Variants in ADARB2 observed in about 807,000 individuals in gnomAD.
The protein encoded by ADARB2 is adenosine deaminase RNA specific B2 (inactive).
A neutral mutation model predicts 62.2 loss-of-function variants in ADARB2; 25 were observed. That is an observed-to-expected ratio of 0.40 (90% CI 0.29 to 0.56). The LOEUF is 0.56. ADARB2 is among the 20% of genes least tolerant of loss of function. The pLI is 0.43. For synonymous variants in ADARB2, 572 were observed against 500.8 expected (o/e 1.14, Z -1.90); for missense variants, 1,071 against 1,077.4 (o/e 0.99, Z 0.08).
At chr10:1,191,303 G>T (rs1836841800) in intron 8 of ADARB2, among the ~76,000 whole-genome samples, 1 of 152,238 alleles carries the variant, frequency 6.6e-6, no homozygotes, top group African/African-American at 2.4e-5. Context: ...CCACTGGCTG[G>T]ATGTGCAGAG....
At chr10:1,496,772 A>C (rs922173670) in intron 1 of ADARB2, among the ~76,000 whole-genome samples, 1 of 152,162 alleles carries the variant, frequency 6.6e-6, no homozygotes, top group Non-Finnish European at 1.5e-5. Context: ...TATCACCAGC[A>C]TCATCATCAC....
At chr10:1,642,953 T>G (rs1311595264) in intron 1 of ADARB2, among the ~76,000 whole-genome samples, 3 of 152,176 alleles carry the variant, frequency 2.0e-5, no homozygotes, top group Admixed American at 2.0e-4. Context: ...CCCCTCCTAA[T>G]TAGCAATGAC....
intron 1 of ADARB2, among the ~76,000 whole-genome samples, chr10:1,543,259 C>A (rs765796572): frequency 6.6e-6 from 1 of 152,254 alleles, no homozygotes; most frequent in Non-Finnish European, 1.5e-5. Flanking sequence ...TGGAGGGCTG[C>A]GCCAGGTCCT....
chr10:1,407,980 A>G (rs1006231120), intron 1 of ADARB2, among the ~76,000 whole-genome samples: 3 of 152,232 alleles, frequency 2.0e-5, no homozygotes, highest in African/African-American at 7.2e-5. Flanking sequence ...ATATACAATA[A>G]TATTTAAAAA....
intron 1 of ADARB2, among the ~76,000 whole-genome samples, chr10:1,639,897 A>AAACAAACAAAC (rs1164776484): frequency 1.2e-4 from 18 of 150,026 alleles, no homozygotes; most frequent in African/African-American, 4.1e-4. Context: ...AACAAACAAA[A>AAACAAACAAAC]ACATGAAGAG....
intron 1 of ADARB2, among the ~76,000 whole-genome samples, chr10:1,643,065 C>T (rs1365915641): frequency 6.6e-6 from 1 of 152,214 alleles, no homozygotes; most frequent in Non-Finnish European, 1.5e-5. Flanking sequence ...GCACACATCT[C>T]CACTTTACAC....
chr10:1,262,171 T>C (rs1372739341), intron 4 of ADARB2, among the ~76,000 whole-genome samples: 9 of 138,592 alleles, frequency 6.5e-5, no homozygotes, highest in East Asian at 2.2e-4. Context: ...AGGGATAGCA[T>C]TGGGAGATAT....
intron 1 of ADARB2, among the ~76,000 whole-genome samples, chr10:1,589,917 C>A (rs1833230394): frequency 6.6e-6 from 1 of 152,208 alleles, no homozygotes. Context: ...GGTGATGCAC[C>A]CGCCTTGGCC....
chr10:1,591,673 ACACACG>A (rs1378411033), intron 1 of ADARB2, among the ~76,000 whole-genome samples: 19 of 151,704 alleles, frequency 1.3e-4, no homozygotes, highest in African/African-American at 4.4e-4. Flanking sequence ...ACACACACAC[ACACACG>A]CACACACTCA....
At chr10:1,185,683 T>C (rs539421777) in intron 8 of ADARB2, among the ~76,000 whole-genome samples, 8 of 152,256 alleles carry the variant, frequency 5.3e-5, no homozygotes, top group Non-Finnish European at 8.8e-5. Context: ...AAACCAAGCA[T>C]GGGTTCGTCT....
At chr10:1,356,766 A>C (rs1832199903) in intron 3 of ADARB2, among the ~76,000 whole-genome samples, 1 of 152,160 alleles carries the variant, frequency 6.6e-6, no homozygotes, top group Non-Finnish European at 1.5e-5. Flanking sequence ...AGCAACAACA[A>C]CACACTCATC....
intron 4 of ADARB2, among the ~76,000 whole-genome samples, chr10:1,243,620 C>T (rs1291359004): frequency 6.6e-6 from 1 of 152,256 alleles, no homozygotes; most frequent in African/African-American, 2.4e-5. Context: ...AGGGTGGTGT[C>T]AGCAGCTACC....
intron 1 of ADARB2, among the ~76,000 whole-genome samples, chr10:1,428,433 C>T (rs1165662586): frequency 2.0e-5 from 3 of 151,890 alleles, no homozygotes; most frequent in Non-Finnish European, 4.4e-5. Context: ...ACTACAGGCA[C>T]CCATCACCAC....
chr10:1,655,719 T>G (rs368782821), intron 1 of ADARB2, among the ~76,000 whole-genome samples: 160 of 152,280 alleles, frequency 1.1e-3, no homozygotes, highest in African/African-American at 3.5e-3. Flanking sequence ...GAAAATGGCC[T>G]CATGGGCATG....
chr10:1,280,588 G>T (rs146331968), intron 3 of ADARB2, among the ~76,000 whole-genome samples: 117 of 146,914 alleles, frequency 8.0e-4, no homozygotes, highest in African/African-American at 3.0e-3. Context: ...GTGACGCTCC[G>T]TGAAATTCCT....
chr10:1,274,473 A>T (rs1831295292), intron 3 of ADARB2, among the ~76,000 whole-genome samples: 1 of 151,110 alleles, frequency 6.6e-6, no homozygotes, highest in African/African-American at 2.4e-5. Flanking sequence ...TTTTTTTTTT[A>T]GGATGAAGTT....
At chr10:1,413,616 G>A (rs145577727) in intron 1 of ADARB2, among the ~76,000 whole-genome samples, 9 of 152,158 alleles carry the variant, frequency 5.9e-5, no homozygotes, top group Admixed American at 1.3e-4. Context: ...CACAGGAAGC[G>A]CAGCCGTGAA....
chr10:1,670,041 G>A (rs1427073917), intron 1 of ADARB2, among the ~76,000 whole-genome samples: 1 of 152,212 alleles, frequency 6.6e-6, no homozygotes, highest in African/African-American at 2.4e-5. Context: ...ACTTGACCGT[G>A]TCTCCAGTCT....
At chr10:1,683,977 G>A (rs569314550) in intron 1 of ADARB2, among the ~76,000 whole-genome samples, 13 of 152,322 alleles carry the variant, frequency 8.5e-5, no homozygotes, top group African/African-American at 2.9e-4. Context: ...AAAGACCACC[G>A]CCAAAGAGCC....
Sources: allele counts gnomAD v4.1 joint callset (sites outside exome capture counted in the v4.1 genomes callset), GRCh38; gene constraint gnomAD v4.1.1; transcripts MANE v1.5; gene names NCBI Gene and HGNC (gene_info 2026-07-23, HGNC 2026-07-21).